CCND3: variants seen among roughly 807,000 people sequenced by gnomAD.
CCND3 encodes the protein G1/S-specific cyclin-D3.
Under a neutral mutation model 28.7 loss-of-function variants are expected in CCND3, and 9 were observed. That is an observed-to-expected ratio of 0.31 (90% CI 0.19 to 0.55). The LOEUF (loss-of-function observed/expected upper bound fraction) is 0.55. Ranked by LOEUF, CCND3 falls within the 20% of genes least tolerant of loss-of-function variation. The probability of loss-of-function intolerance (pLI) is 0.93; values close to 1 mark genes in which losing one functional copy is unlikely to be tolerated. For missense variants in CCND3, 315 were observed against 385.8 expected (o/e 0.82, Z 1.54); for synonymous variants, 164 against 163.9 (o/e 1.00, Z 0.00).
chr6:41,962,888 C>A (rs560119087), intron 1 of CCND3, among the ~76,000 whole-genome samples: 1 of 152,256 alleles, frequency 6.6e-6, no homozygotes, highest in African/African-American at 2.4e-5. Flanking sequence ...GTAGCTGGGA[C>A]TACAGGCGCG....
rs530932495 is a variant in CCND3, at chr6:42,012,347, G to A, written c.-46+36154C>T. 1.3e-3 allele frequency among the ~76,000 whole-genome samples: 200 copies of A among 151,768 alleles called. 1 individual carries two copies. The highest frequency in any genetic ancestry group is 4.4e-3 in the African/African-American group (183 of 41,384). On this transcript the variant is annotated intron_variant, in intron 1 of 4. Transcript: ENST00000372988. Reference sequence around the variant, plus strand: ...CTTGAACCTGGGGTGGGATGGGGGCGGGGAGTGGAGGTTGCAGTGAGCCAA... The same window carrying A: ...CTTGAACCTGGGGTGGGATGGGGGCAGGGAGTGGAGGTTGCAGTGAGCCAA...
intron 1 of CCND3, among the ~76,000 whole-genome samples, chr6:42,042,483 C>T (rs1764402050): frequency 6.6e-6 from 1 of 152,054 alleles, no homozygotes; most frequent in Non-Finnish European, 1.5e-5. Context: ...GCCTCAGCCT[C>T]CCGAGTAGCC....
chr6:42,005,824 C>G (rs1763159765), intron 1 of CCND3, among the ~76,000 whole-genome samples: 1 of 151,964 alleles, frequency 6.6e-6, no homozygotes, highest in Non-Finnish European at 1.5e-5. Context: ...GCTGGGATTA[C>G]AGGCACCCGC....
At chr6:42,002,618 C>T (rs1373174752) in intron 1 of CCND3, among the ~76,000 whole-genome samples, 7 of 151,778 alleles carry the variant, frequency 4.6e-5, no homozygotes, top group Non-Finnish European at 1.0e-4. Context: ...TTTGGGAGGC[C>T]GAGGCGGGTG....
In CCND3 at chr6:41,997,811, A is replaced by G. The variant is rs138546124; in HGVS notation, c.-46+50690T>C. On this transcript the variant is annotated intron_variant, in intron 1 of 4. Transcript: ENST00000372988. Reference sequence around the variant, plus strand: ...CATGGGGATGTAGAGATTAAATCCAATCATCTCTAAGGTCCATTCCCAACT... The same window carrying G: ...CATGGGGATGTAGAGATTAAATCCAGTCATCTCTAAGGTCCATTCCCAACT... Among the ~76,000 whole-genome samples, 570 of 151,956 alleles carry G rather than the reference A, an allele frequency of 3.8e-3. 5 individuals carry two copies. Among genetic ancestry groups the G allele is most frequent in the African/African-American group, 0.012 (484 of 41,444 alleles).
chr6:41,963,641 C>T (rs1761779427), intron 1 of CCND3, among the ~76,000 whole-genome samples: 1 of 152,208 alleles, frequency 6.6e-6, no homozygotes, highest in African/African-American at 2.4e-5. Context: ...GAACGTGGAA[C>T]CACTTGCTAA....
chr6:42,015,604 G>A (rs951319408), intron 1 of CCND3, among the ~76,000 whole-genome samples: 1 of 152,010 alleles, frequency 6.6e-6, no homozygotes, highest in Non-Finnish European at 1.5e-5. Context: ...CAGCTATTCC[G>A]GAGGCTGAGG....
Position 41,941,596 on chromosome 6 carries a change from G to T in CCND3, c.54C>A (p.Asp18Glu). Reference protein sequence around the residue: ...GTRHAPRAGPDPRLLGDQRVL... With the variant: ...GTRHAPRAGPEPRLLGDQRVL... ...CACGCTGGTCCCCCAGCAGCCGCGG[G>T]TCCGGCCCGGCCCGGGGCGCGTGCC... The change falls in exon 1 of 5, where the codon GAC becomes GAA. Residue 18 changes from aspartate (D) to glutamate (E), a missense_variant. Physicochemically the swap from Asp to Glu is conservative, Grantham distance 45 (BLOSUM62 2). Coordinates refer to ENST00000372991, the MANE Select transcript of CCND3 (RefSeq NM_001760.5). This position sits in a 1 kb window ranked among gnomAD's most constrained non-coding sequence, Gnocchi z 6.1. 1.3e-6 allele frequency: 2 copies of T among 1,539,970 alleles called. No homozygotes were observed. The highest frequency in any genetic ancestry group is 1.8e-6 in the Non-Finnish European group (2 of 1,141,550).
At position 42,044,777 on chromosome 6, in the gene CCND3, C is replaced by A. The variant is rs1309526966; in HGVS notation, c.-46+3724G>T. 4.6e-4 allele frequency among the ~76,000 whole-genome samples: 38 copies of A among 82,884 alleles called. No individual in the cohort carries two copies. In the East Asian group the frequency reaches 6.2e-3, roughly 13 times the overall value. 54.4% of individuals were successfully genotyped at this position (82,884 alleles called of 152,430 possible). On this transcript the variant is annotated intron_variant, in intron 1 of 4. Transcript: ENST00000372988. ...TGGCTATCTTTTCTTTCTTTTCTTT[C>A]TTTCCTTTTATTTATTTATTTATTT...
intron 1 of CCND3, among the ~76,000 whole-genome samples, chr6:41,985,354 C>T: frequency 6.9e-6 from 1 of 145,878 alleles, no homozygotes; most frequent in Non-Finnish European, 1.5e-5. Flanking sequence ...GTTCTTGTTG[C>T]CCAGGCTGGA....
In CCND3 at chr6:42,011,534, G is replaced by C. The variant is rs180985998; in HGVS notation, c.-46+36967C>G. Among the ~76,000 whole-genome samples, 80 of 152,316 alleles carry C rather than the reference G, an allele frequency of 5.3e-4. 1 individual carries two copies. The highest frequency in any genetic ancestry group is 5.1e-3 in the Admixed American group (78 of 15,276). ...TGTATTTTTGACACAGTCTGCAGGA[G>C]ATGATACATTTGACATAATGGGCCC... is the stretch of plus-strand genomic sequence containing the variant. On this transcript the variant is annotated intron_variant, in intron 1 of 4. Coordinates refer to the CCND3 transcript ENST00000372988.
At chr6:41,982,477 C>T (rs907984483) in intron 1 of CCND3, among the ~76,000 whole-genome samples, 2 of 152,060 alleles carry the variant, frequency 1.3e-5, no homozygotes, top group African/African-American at 4.8e-5. Flanking sequence ...ATAGAGAAGA[C>T]TCAATGGTGT....
intron 1 of CCND3, among the ~76,000 whole-genome samples, chr6:42,034,468 CTTTTTTTTTTTTTTTTTT>C (rs34822771): frequency 2.0e-5 from 1 of 50,978 alleles, no homozygotes; most frequent in African/African-American, 8.5e-5. Context: ...CCCTGTCACT[CTTTTTTTTTTTTTTTTTT>C]TTTTTTTTTT....
At chr6:41,998,373 A>T (rs892577934) in intron 1 of CCND3, among the ~76,000 whole-genome samples, 1 of 142,892 alleles carries the variant, frequency 7.0e-6, no homozygotes, top group Non-Finnish European at 1.5e-5. Flanking sequence ...TTTGAGACGA[A>T]GTCTTGCTTT....
intron 1 of CCND3, among the ~76,000 whole-genome samples, chr6:42,015,905 G>A (rs549821399): frequency 4.8e-4 from 73 of 151,516 alleles, no homozygotes; most frequent in Admixed American, 1.3e-3. Flanking sequence ...CAGTTTTCAC[G>A]TATACAATAC....
intron 1 of CCND3, among the ~76,000 whole-genome samples, chr6:42,032,845 C>T (rs1164045112): frequency 6.6e-6 from 1 of 152,180 alleles, no homozygotes; most frequent in Non-Finnish European, 1.5e-5. Context: ...TTCTCTCTTT[C>T]GAGCCCCTGG....
rs948811507 is a variant in CCND3 at position 41,941,121 on chromosome 6, C to T, written c.198+331G>A. ...CCGAGCCCAGGGTTTTCCAGGCGCG[C>T]TCTCCGGAGAAGGCCGGGAGGCGGA... On this transcript the variant is annotated intron_variant, in intron 1 of 4. Coordinates refer to ENST00000372991, the MANE Select transcript of CCND3 (RefSeq NM_001760.5). This position sits in a 1 kb window ranked among gnomAD's most constrained non-coding sequence, Gnocchi z 6.1. The T allele has an allele frequency of 8.0e-6, 12 of 1,508,368 alleles. No homozygotes were observed. Among genetic ancestry groups the T allele is most frequent in the Non-Finnish European group, 1.1e-5 (12 of 1,132,936 alleles). 93.4% of individuals were successfully genotyped at this position (1,508,368 alleles called of 1,614,324 possible).
chr6:42,012,474 G>A (rs1472360594), intron 1 of CCND3, among the ~76,000 whole-genome samples: 3 of 146,828 alleles, frequency 2.0e-5, no homozygotes, highest in South Asian at 2.1e-4. Context: ...GTGATGGTAT[G>A]TGCTGTAATC....
In CCND3 at chr6:42,048,570, C is replaced by T; in HGVS notation, c.-115G>A. On this transcript the variant is annotated 5_prime_UTR_variant, in exon 1 of 5. Coordinates refer to the CCND3 transcript ENST00000372988. The surrounding 1 kb of genome is among the most constrained non-coding windows in gnomAD (Gnocchi z 4.7). ...GCGCTCTGTCCCGCCGCCTCCGGAG[C>T]CTGCCTTTGGGGAGTGGGGGTGGTC... 2 of 514,454 alleles carry T rather than the reference C, an allele frequency of 3.9e-6. No homozygotes were observed. Among genetic ancestry groups the T allele is most frequent in the Non-Finnish European group, 7.7e-6 (2 of 258,222 alleles). The allele number at this position is 514,454 out of a possible 1,614,324, so 31.9% of individuals were successfully genotyped here.
Sources: allele counts gnomAD v4.1 joint callset (sites outside exome capture counted in the v4.1 genomes callset), GRCh38; gene constraint gnomAD v4.1.1; non-coding constraint Gnocchi (gnomAD v3.1); transcripts MANE v1.5; gene names NCBI Gene and HGNC (gene_info 2026-07-23, HGNC 2026-07-21).